RGS7: variants seen among roughly 807,000 people sequenced by gnomAD.
RGS7 encodes regulator of G-protein signaling 7.
RGS7 carries 27 observed loss-of-function variants against 81.1 expected under a neutral mutation model. The observed-to-expected ratio is 0.33, with a 90% CI of 0.25 to 0.46. The LOEUF (loss-of-function observed/expected upper bound fraction) is 0.46, where lower values mean the gene tolerates loss of function less well. RGS7 is among the 20% of genes least tolerant of loss of function. RGS7 has a pLI of 1.00. For missense variants in RGS7, 396 were observed against 607.4 expected, an observed-to-expected ratio of 0.65 and a Z score of 3.66; for synonymous variants, 208 against 207.7, an observed-to-expected ratio of 1.00 and a Z score of -0.01.
At chr1:241,216,132 C>A (rs1291779616) in intron 2 of RGS7, among the ~76,000 whole-genome samples, 1 of 151,936 alleles carries the variant, frequency 6.6e-6, no homozygotes, top group Non-Finnish European at 1.5e-5. Context: ...CGTAGCCGGG[C>A]GTGGTGGCAT....
chr1:240,855,691 T>C (rs2147953263), intron 9 of RGS7, among the ~76,000 whole-genome samples: 1 of 152,266 alleles, frequency 6.6e-6, no homozygotes, highest in African/African-American at 2.4e-5. Context: ...AGCTACCCTA[T>C]GTTTAACCAC....
At chr1:241,267,595 C>G (rs1011584543) in intron 2 of RGS7, among the ~76,000 whole-genome samples, 1 of 152,166 alleles carries the variant, frequency 6.6e-6, no homozygotes, top group Non-Finnish European at 1.5e-5. Context: ...TATTATCTCT[C>G]TCTATACGTA....
chr1:240,958,912 A>G (rs1350681429), intron 4 of RGS7, among the ~76,000 whole-genome samples: 2 of 152,190 alleles, frequency 1.3e-5, no homozygotes, highest in Non-Finnish European at 2.9e-5. Flanking sequence ...GTGTGCTGTT[A>G]TTAGCCTTTC....
chr1:241,300,900 C>T (rs2079714161), intron 2 of RGS7, among the ~76,000 whole-genome samples: 1 of 152,212 alleles, frequency 6.6e-6, no homozygotes, highest in Admixed American at 6.5e-5. Context: ...GTTACTGTTA[C>T]TCTACATTCT....
At chr1:241,311,379 G>A (rs2148557817) in intron 2 of RGS7, among the ~76,000 whole-genome samples, 1 of 152,244 alleles carries the variant, frequency 6.6e-6, no homozygotes, top group Non-Finnish European at 1.5e-5. Flanking sequence ...TAGTTAATTG[G>A]CTAAGAAATA....
intron 2 of RGS7, among the ~76,000 whole-genome samples, chr1:241,170,409 AT>A (rs2070643146): frequency 6.6e-6 from 1 of 152,186 alleles, no homozygotes; most frequent in South Asian, 2.1e-4. Flanking sequence ...ATTAGGTGCA[AT>A]CATGATTTAA....
At chr1:241,009,504 G>A (rs1158771788) in intron 3 of RGS7, among the ~76,000 whole-genome samples, 1 of 152,176 alleles carries the variant, frequency 6.6e-6, no homozygotes, top group African/African-American at 2.4e-5. Context: ...AAAAGGAAGA[G>A]AGAAGGTCCT....
intron 18 of RGS7, among the ~76,000 whole-genome samples, chr1:240,786,250 C>A (rs1042932941): frequency 6.6e-6 from 1 of 152,108 alleles, no homozygotes; most frequent in African/African-American, 2.4e-5. Flanking sequence ...TTATGTCCTT[C>A]TACCTTTTTA....
Position 241,023,757 on chromosome 1 carries a change from T to C in RGS7, c.176-40628A>G, listed in dbSNP as rs192013311. ...TCATATTGATTGATTGATTGATTGA[T>C]TGATCAAGATGTAGTTTCACTCTTG... On this transcript the variant is annotated intron_variant, in intron 3 of 18. Coordinates refer to ENST00000440928, the MANE Select transcript of RGS7 (RefSeq NM_001364886.1). Among the ~76,000 whole-genome samples the C allele has an allele frequency of 1.4e-3, 208 of 152,322 alleles. 1 individual carries two copies. The highest frequency in any genetic ancestry group is 4.7e-3 in the African/African-American group (197 of 41,572).
At chr1:240,930,828 G>T in intron 5 of RGS7, 60 bp from the exon 6 acceptor site, 1 of 1,486,276 alleles carries the variant, frequency 6.7e-7, no homozygotes, top group Non-Finnish European at 9.4e-7. Context: ...TGGAGTTTCT[G>T]GCCAGTGAAT....
intron 4 of RGS7, among the ~76,000 whole-genome samples, chr1:240,946,868 G>C (rs1420429581): frequency 6.6e-6 from 1 of 152,142 alleles, no homozygotes; most frequent in African/African-American, 2.4e-5. Flanking sequence ...TAGAAGAGGA[G>C]ATTTTGAATG....
intron 2 of RGS7, among the ~76,000 whole-genome samples, chr1:241,130,304 T>C (rs1005431099): frequency 6.6e-6 from 1 of 152,136 alleles, no homozygotes; most frequent in South Asian, 2.1e-4. Flanking sequence ...CAGGGATTAA[T>C]TTGAGAGTCA....
intron 3 of RGS7, among the ~76,000 whole-genome samples, chr1:241,063,510 T>C (rs2061856189): frequency 6.6e-6 from 1 of 152,204 alleles, no homozygotes; most frequent in African/African-American, 2.4e-5. Context: ...GGTGATTTAG[T>C]CAATAGGCCC....
chr1:241,180,453 T>G (rs1286759759), intron 2 of RGS7, among the ~76,000 whole-genome samples: 1 of 152,016 alleles, frequency 6.6e-6, no homozygotes, highest in East Asian at 1.9e-4. Flanking sequence ...ACATAAAGTA[T>G]GTGTGTGTTT....
intron 2 of RGS7, among the ~76,000 whole-genome samples, chr1:241,147,137 AAC>A (rs959941093): frequency 6.6e-5 from 10 of 152,210 alleles, no homozygotes; most frequent in African/African-American, 2.2e-4. Context: ...TGAAATTAAT[AAC>A]ACACACACAC....
intron 3 of RGS7, among the ~76,000 whole-genome samples, chr1:241,058,837 T>C (rs11577475): frequency 0.21 from 32,413 of 152,094 alleles, 3,707 homozygotes; most frequent in Non-Finnish European, 0.25. Context: ...AGGTCCTTTC[T>C]GAGAGTGTGT....
chr1:241,027,979 A>G (rs2059877508), intron 3 of RGS7, among the ~76,000 whole-genome samples: 2 of 152,140 alleles, frequency 1.3e-5, no homozygotes, highest in African/African-American at 4.8e-5. Flanking sequence ...CTCGTTTTGA[A>G]TTAAGATGAG....
At chr1:240,933,187 T>TA (rs1421190220) in intron 5 of RGS7, among the ~76,000 whole-genome samples, 4 of 151,844 alleles carry the variant, frequency 2.6e-5, no homozygotes, top group African/African-American at 9.7e-5. Context: ...CGGCCGGTGT[T>TA]ACTTTCTGAG....
chr1:240,989,819 T>A, intron 3 of RGS7, among the ~76,000 whole-genome samples: 1 of 152,076 alleles, frequency 6.6e-6, no homozygotes, highest in East Asian at 1.9e-4. Context: ...TATAAAAACA[T>A]AAACTTATCA....
Sources: allele counts gnomAD v4.1 joint callset (sites outside exome capture counted in the v4.1 genomes callset), GRCh38; gene constraint gnomAD v4.1.1; transcripts MANE v1.5; gene names NCBI Gene and HGNC (gene_info 2026-07-23, HGNC 2026-07-21).